The following NRXN3 variants were observed in gnomAD, a reference collection of about 807,000 sequenced individuals.
NRXN3 encodes the protein neurexin 3.
A neutral mutation model predicts 137.6 loss-of-function variants in NRXN3; 32 were observed. The observed-to-expected ratio is 0.23, with a 90% CI of 0.18 to 0.31. The LOEUF (loss-of-function observed/expected upper bound fraction) is 0.31. NRXN3 is among the 10% of genes least tolerant of loss of function. The pLI, the probability that NRXN3 is intolerant of heterozygous loss-of-function variation, is 1.00. For synonymous variants in NRXN3, 798 were observed against 784.5 expected (o/e 1.02, Z -0.29); for missense variants, 1,574 against 2,062.5 (o/e 0.76, Z 4.59).
chr14:79,357,646 T>C (rs1250911439), intron 15 of NRXN3, among the ~76,000 whole-genome samples: 1 of 152,214 alleles, frequency 6.6e-6, no homozygotes, highest in Non-Finnish European at 1.5e-5. Flanking sequence ...AGGTCCAATT[T>C]TCTCAGCTTG....
intron 16 of NRXN3, among the ~76,000 whole-genome samples, chr14:79,586,058 T>A (rs2097763232): frequency 6.6e-6 from 1 of 152,316 alleles, no homozygotes; most frequent in Non-Finnish European, 1.5e-5. Flanking sequence ...AACAGAAAAA[T>A]TGACTTTTCA....
chr14:78,680,711 T>C (rs1019326809), intron 6 of NRXN3, among the ~76,000 whole-genome samples: 35 of 152,300 alleles, frequency 2.3e-4, no homozygotes, highest in African/African-American at 3.4e-4. Flanking sequence ...TTTGTAGTTT[T>C]TGTCTGTTGC....
chr14:78,637,036 T>G (rs2097573479), intron 4 of NRXN3, among the ~76,000 whole-genome samples: 1 of 152,244 alleles, frequency 6.6e-6, no homozygotes, highest in African/African-American at 2.4e-5. Context: ...GGCTCCCTCT[T>G]CACCTCTCTA....
intron 16 of NRXN3, among the ~76,000 whole-genome samples, chr14:79,468,860 A>G (rs2096463401): frequency 6.6e-6 from 1 of 152,196 alleles, no homozygotes. Context: ...AGGAGTCTTG[A>G]ATAGAGTTGT....
At chr14:78,235,140 G>T (rs1388905278) in intron 1 of NRXN3, among the ~76,000 whole-genome samples, 1 of 150,568 alleles carries the variant, frequency 6.6e-6, no homozygotes, top group Non-Finnish European at 1.5e-5. Flanking sequence ...TGTTTATATT[G>T]GAGGATCAAG....
intron 4 of NRXN3, among the ~76,000 whole-genome samples, chr14:78,378,078 C>T (rs1296001649): frequency 6.6e-6 from 1 of 152,020 alleles, no homozygotes; most frequent in Non-Finnish European, 1.5e-5. Context: ...GTTCACTGAC[C>T]AAAATGGAAC....
intron 4 of NRXN3, among the ~76,000 whole-genome samples, chr14:78,591,814 T>A (rs1194527635): frequency 1.3e-5 from 2 of 152,202 alleles, no homozygotes; most frequent in African/African-American, 4.8e-5. Context: ...GAGACAGCAG[T>A]TCAGTGACAG....
At chr14:79,468,105 G>C (rs2153614741) in intron 16 of NRXN3, among the ~76,000 whole-genome samples, 1 of 152,310 alleles carries the variant, frequency 6.6e-6, no homozygotes, top group Admixed American at 6.5e-5. Flanking sequence ...TAATTCATGT[G>C]TATTGCATAC....
At chr14:78,395,516 A>G (rs1056567448) in intron 4 of NRXN3, among the ~76,000 whole-genome samples, 13 of 151,834 alleles carry the variant, frequency 8.6e-5, no homozygotes, top group Non-Finnish European at 1.6e-4. Context: ...ATAAATGCCA[A>G]TTATTAATAG....
intron 4 of NRXN3, among the ~76,000 whole-genome samples, chr14:78,348,854 G>T (rs147155330): frequency 6.6e-6 from 1 of 152,134 alleles, no homozygotes; most frequent in Non-Finnish European, 1.5e-5. Flanking sequence ...TAGGATATTT[G>T]CAGGTGCTGG....
At chr14:79,296,900 C>T (rs1435654385) in intron 15 of NRXN3, among the ~76,000 whole-genome samples, 1 of 152,236 alleles carries the variant, frequency 6.6e-6, no homozygotes, top group Non-Finnish European at 1.5e-5. Flanking sequence ...CCTAGCAGTT[C>T]CTGCGTGATC....
chr14:78,184,016 T>G (rs952063691), intron 1 of NRXN3, among the ~76,000 whole-genome samples: 3 of 152,202 alleles, frequency 2.0e-5, no homozygotes, highest in African/African-American at 7.2e-5. Context: ...AACAATTAAC[T>G]CCTTACAAAT....
intron 19 of NRXN3, among the ~76,000 whole-genome samples, chr14:79,760,291 G>C (rs977690064): frequency 6.6e-6 from 1 of 151,542 alleles, no homozygotes; most frequent in African/African-American, 2.4e-5. Context: ...TAAAAATGGA[G>C]TGGTAACTAA....
At chr14:78,499,131 C>G (rs1378245222) in intron 4 of NRXN3, among the ~76,000 whole-genome samples, 1 of 151,474 alleles carries the variant, frequency 6.6e-6, no homozygotes, top group Admixed American at 6.6e-5. Flanking sequence ...TATTATTTCT[C>G]TTTCTCCTCC....
intron 10 of NRXN3, among the ~76,000 whole-genome samples, chr14:78,913,568 G>A (rs760031868): frequency 3.9e-5 from 6 of 151,938 alleles, no homozygotes; most frequent in Non-Finnish European, 5.9e-5. Context: ...GTGAGCCACC[G>A]CGGCCGGCCA....
At position 79,065,830 on chromosome 14, in the gene NRXN3, G is replaced by A. The variant is rs554929189; in HGVS notation, c.3262+77689G>A. Reference sequence around the variant, plus strand: ...TACAATTTTTATTTTAAGTTCAGGGGTACAGGTGCAGTATGTTCAGATTTG... The same window carrying A: ...TACAATTTTTATTTTAAGTTCAGGGATACAGGTGCAGTATGTTCAGATTTG... On this transcript the variant is annotated intron_variant, in intron 15 of 20. Transcript: ENST00000335750. 6.6e-5 allele frequency among the ~76,000 whole-genome samples: 10 copies of A among 152,070 alleles called. No individual in the cohort carries two copies. In the South Asian group the frequency reaches 1.9e-3, roughly 28 times the overall value.
intron 4 of NRXN3, among the ~76,000 whole-genome samples, chr14:78,386,615 T>G (rs2090005600): frequency 6.6e-6 from 1 of 152,220 alleles, no homozygotes; most frequent in Non-Finnish European, 1.5e-5. Flanking sequence ...TTATTCTTAC[T>G]TTATGGATGA....
At chr14:79,673,995 T>C (rs2098627166) in intron 17 of NRXN3, among the ~76,000 whole-genome samples, 1 of 152,058 alleles carries the variant, frequency 6.6e-6, no homozygotes, top group Non-Finnish European at 1.5e-5. Flanking sequence ...TACGCTGCCC[T>C]ATCTTGAACC....
chr14:79,140,969 A>G (rs535624399), intron 15 of NRXN3, among the ~76,000 whole-genome samples: 85 of 152,340 alleles, frequency 5.6e-4, no homozygotes, highest in African/African-American at 1.7e-3. Context: ...TGTATAGTAT[A>G]TCTGTATATA....
Sources: allele counts gnomAD v4.1 joint callset (sites outside exome capture counted in the v4.1 genomes callset), GRCh38; gene constraint gnomAD v4.1.1; transcripts MANE v1.5; gene names NCBI Gene and HGNC (gene_info 2026-07-23, HGNC 2026-07-21).